Variants in PHF14 observed in about 807,000 individuals in gnomAD.
The protein encoded by PHF14 is PHD finger protein 14.
PHF14 carries 55 observed loss-of-function variants against 117.9 expected under a neutral mutation model. The ratio of observed to expected loss-of-function variants is 0.47; its 90% CI spans 0.38 to 0.58. The LOEUF is 0.58. Among genes scored for constraint, PHF14 ranks in the 20% least tolerant of loss-of-function variants. PHF14 has a pLI of 0.00. For missense variants in PHF14, 978 were observed against 1,122.2 expected (o/e 0.87, Z 1.84); for synonymous variants, 409 against 368.6 (o/e 1.11, Z -1.26).
intron 16 of PHF14, among the ~76,000 whole-genome samples, chr7:11,102,017 T>A (rs1466674599): frequency 6.6e-6 from 1 of 151,802 alleles, no homozygotes; most frequent in African/African-American, 2.4e-5. Flanking sequence ...GTCTCTGTAT[T>A]TGAGTATAAC....
chr7:11,144,592 G>T (rs1788495640), intron 17 of PHF14, among the ~76,000 whole-genome samples: 1 of 147,980 alleles, frequency 6.8e-6, no homozygotes, highest in Non-Finnish European at 1.5e-5. Flanking sequence ...ATAAATTAAT[G>T]TAATATATTT....
intron 17 of PHF14, among the ~76,000 whole-genome samples, chr7:11,160,789 GT>G (rs750744492): frequency 6.6e-6 from 1 of 152,028 alleles, no homozygotes; most frequent in Non-Finnish European, 1.5e-5. Context: ...TTTGAATTAA[GT>G]TTCTTGTAGA....
At chr7:11,002,309 T>C (rs1782904689) in intron 4 of PHF14, among the ~76,000 whole-genome samples, 1 of 152,034 alleles carries the variant, frequency 6.6e-6, no homozygotes, top group Admixed American at 6.5e-5. Context: ...GATGTCATGC[T>C]GGAGCTTAGA....
Position 11,122,429 on chromosome 7 carries a change from G to GTA in PHF14, c.2772+10973_2772+10974dup, listed in dbSNP as rs1469918569. Among the ~76,000 whole-genome samples the GTA allele has an allele frequency of 9.9e-3, 851 of 86,218 alleles. 18 individuals are homozygous for GTA. Among genetic ancestry groups the GTA allele is most frequent in the African/African-American group, 0.036 (763 of 21,220 alleles). 56.6% of individuals were successfully genotyped at this position (86,218 alleles called of 152,430 possible). A position where few individuals can be genotyped will look rare whatever the true frequency, so the allele number is the denominator to read the frequency against. ...TATATACACGTATATATATATACACGTATATATATATACGTATATATATAT... is the reference window on the plus strand; with the variant it reads ...TATATACACGTATATATATATACACGTATATATATATATACGTATATATATAT... On this transcript the variant is annotated intron_variant, in intron 17 of 17. Transcript: ENST00000634607.
At chr7:11,062,632 T>C in intron 16 of PHF14, 4 of 929,354 alleles carry the variant, frequency 4.3e-6, no homozygotes, top group Non-Finnish European at 5.1e-6. Context: ...TGTCTTTGTT[T>C]CTTTGTTTCG....
intron 14 of PHF14, among the ~76,000 whole-genome samples, chr7:11,056,481 C>A (rs908978321): frequency 2.0e-5 from 3 of 152,082 alleles, no homozygotes; most frequent in Admixed American, 6.5e-5. Context: ...ACCCTGTTAA[C>A]ATAAGCTAAA....
intron 16 of PHF14, among the ~76,000 whole-genome samples, chr7:11,098,274 A>G (rs905410422): frequency 6.6e-6 from 1 of 152,194 alleles, no homozygotes; most frequent in Non-Finnish European, 1.5e-5. Flanking sequence ...TTTTCTATTA[A>G]AACATTTCTT....
At chr7:10,978,751 C>T (rs1424527394) in intron 2 of PHF14, among the ~76,000 whole-genome samples, 2 of 152,130 alleles carry the variant, frequency 1.3e-5, no homozygotes, top group Non-Finnish European at 2.9e-5. Context: ...CTCACCTCCA[C>T]CTCCACTTCC....
chr7:10,988,090 T>G (rs887617898), intron 3 of PHF14, among the ~76,000 whole-genome samples: 1 of 151,896 alleles, frequency 6.6e-6, no homozygotes, highest in African/African-American at 2.4e-5. Context: ...ATGTGTTACT[T>G]AGATTTTCCA....
At chr7:10,995,217 A>G (rs1275532660) in intron 4 of PHF14, among the ~76,000 whole-genome samples, 1 of 151,910 alleles carries the variant, frequency 6.6e-6, no homozygotes, top group Non-Finnish European at 1.5e-5. Context: ...AGGTTCTCCA[A>G]GTCCCCACCA....
intron 16 of PHF14, among the ~76,000 whole-genome samples, chr7:11,094,045 G>A (rs1786749106): frequency 6.6e-6 from 1 of 152,076 alleles, no homozygotes; most frequent in Non-Finnish European, 1.5e-5. Context: ...TTCCTTAAAG[G>A]AGAAGGGTCT....
At chr7:11,073,607 G>C (rs1231193246) in intron 16 of PHF14, among the ~76,000 whole-genome samples, 1 of 152,170 alleles carries the variant, frequency 6.6e-6, no homozygotes, top group Non-Finnish European at 1.5e-5. Context: ...ACCATTCTAA[G>C]GTCTGGAAGG....
intron 5 of PHF14, among the ~76,000 whole-genome samples, chr7:11,019,685 T>C (rs61639394): frequency 0.013 from 1,998 of 152,298 alleles, 43 homozygotes; most frequent in African/African-American, 0.046. Context: ...TTCAAAATAC[T>C]AACATTTTGT....
intron 16 of PHF14, chr7:11,106,644 A>G: frequency 6.1e-6 from 6 of 983,086 alleles, no homozygotes; most frequent in Non-Finnish European, 6.0e-6. Flanking sequence ...CTATTCAATG[A>G]AAGAACTCAT....
intron 16 of PHF14, among the ~76,000 whole-genome samples, chr7:11,084,913 G>A (rs1208460283): frequency 6.6e-6 from 1 of 151,850 alleles, no homozygotes; most frequent in African/African-American, 2.4e-5. Flanking sequence ...TTTATCTTTG[G>A]AGATTTTTTT....
At chr7:11,150,285 G>A (rs1443494454) in intron 17 of PHF14, among the ~76,000 whole-genome samples, 1 of 152,114 alleles carries the variant, frequency 6.6e-6, no homozygotes, top group African/African-American at 2.4e-5. Context: ...GGTTATTGTT[G>A]TGCAGGAAAC....
At chr7:11,018,228 C>G (rs1362235746) in intron 5 of PHF14, among the ~76,000 whole-genome samples, 1 of 151,954 alleles carries the variant, frequency 6.6e-6, no homozygotes, top group African/African-American at 2.4e-5. Flanking sequence ...TTTGGCTCTT[C>G]TGGGTCTTTT....
At chr7:11,039,979 T>G (rs1023032687) in intron 11 of PHF14, among the ~76,000 whole-genome samples, 1 of 152,188 alleles carries the variant, frequency 6.6e-6, no homozygotes, top group Non-Finnish European at 1.5e-5. Flanking sequence ...GTTTTTCTCA[T>G]AAGAATCTCC....
intron 16 of PHF14, among the ~76,000 whole-genome samples, chr7:11,093,409 A>G (rs1786721286): frequency 6.6e-6 from 1 of 152,098 alleles, no homozygotes; most frequent in Non-Finnish European, 1.5e-5. Context: ...TTTAATCTGG[A>G]GTTGAGCTGG....
Sources: gnomAD v4.1 joint callset for allele counts (sites outside exome capture counted in the v4.1 genomes callset) on GRCh38, gnomAD v4.1.1 for gene constraint, MANE v1.5 for transcripts, NCBI Gene and HGNC (gene_info 2026-07-23, HGNC 2026-07-21) for gene names.